PAICS: variants seen among roughly 807,000 people sequenced by gnomAD.
The protein encoded by PAICS is bifunctional phosphoribosylaminoimidazole carboxylase/phosphoribosylaminoimidazole succinocarboxamide synthetase.
PAICS carries 33 observed loss-of-function variants against 53.7 expected under a neutral mutation model. The ratio of observed to expected loss-of-function variants is 0.61; its 90% CI spans 0.47 to 0.82. The LOEUF (loss-of-function observed/expected upper bound fraction) is 0.82. Among genes scored for constraint, PAICS ranks in the 40% least tolerant of loss-of-function variants. The probability of loss-of-function intolerance (pLI) is 0.00; values close to 1 mark genes in which losing one functional copy is unlikely to be tolerated. For synonymous variants in PAICS, 141 were observed against 167.2 expected, an observed-to-expected ratio of 0.84 and a Z score of 1.21; for missense variants, 394 against 494.1, an observed-to-expected ratio of 0.80 and a Z score of 1.92.
At chr4:56,439,319 C>T (rs1718214768) in intron 1 of PAICS, among the ~76,000 whole-genome samples, 1 of 152,162 alleles carries the variant, frequency 6.6e-6, no homozygotes, top group Non-Finnish European at 1.5e-5. Context: ...TCACTGCAAC[C>T]TCCGCCTTTC....
chr4:56,441,899 T>A, intron 2 of PAICS, 39 bp downstream of exon 2: 1 of 1,347,032 alleles, frequency 7.4e-7, no homozygotes. Flanking sequence ...TCACCTTCTC[T>A]GGTAAGCATG....
upstream of PAICS, among the ~76,000 whole-genome samples, chr4:56,434,577 G>A (rs540067932): frequency 6.6e-6 from 1 of 152,156 alleles, no homozygotes; most frequent in Non-Finnish European, 1.5e-5. Flanking sequence ...TCAAAATCAA[G>A]TGTATGGATC....
chr4:56,453,829 A>T, intron 8 of PAICS, 68 bp downstream of exon 8: 1 of 1,104,932 alleles, frequency 9.1e-7, no homozygotes, highest in South Asian at 1.6e-5. Flanking sequence ...CAGTAGACAG[A>T]ATAGCATAAT....
At chr4:56,410,674 C>G in the PAICS span, 1 of 986,204 alleles carries the variant, frequency 1.0e-6, no homozygotes. Flanking sequence ...TAGGAGTATA[C>G]AGAGACTGGA....
intron 2 of PAICS, among the ~76,000 whole-genome samples, chr4:56,444,413 A>C (rs1363491929): frequency 6.6e-6 from 1 of 152,162 alleles, no homozygotes; most frequent in Non-Finnish European, 1.5e-5. Flanking sequence ...GTGTAATACT[A>C]GTATATGAAG....
chr4:56,433,378 G>T (rs2110071807), upstream of PAICS, among the ~76,000 whole-genome samples: 1 of 133,740 alleles, frequency 7.5e-6, no homozygotes, highest in East Asian at 2.2e-4. Flanking sequence ...TATGTAACCA[G>T]GAATCAAATG....
chr4:56,437,033 G>A (rs1021655517), intron 1 of PAICS, among the ~76,000 whole-genome samples: 6 of 152,142 alleles, frequency 3.9e-5, no homozygotes, highest in African/African-American at 1.4e-4. Flanking sequence ...GGGGGCGTGT[G>A]TGTAAGTAGT....
chr4:56,411,217 TAA>T, the PAICS span, among the ~76,000 whole-genome samples: 7 of 152,320 alleles, frequency 4.6e-5, no homozygotes, highest in South Asian at 1.0e-3. Context: ...AAAAATAGTT[TAA>T]GTTTTAATTT....
chr4:56,424,476 C>T, the PAICS span, among the ~76,000 whole-genome samples: 639 of 152,062 alleles, frequency 4.2e-3, 2 homozygotes, highest in Non-Finnish European at 6.3e-3. Context: ...TTGCTAATGC[C>T]GATAGATTAT....
In PAICS at chr4:56,453,661, A is replaced by C; in HGVS notation, c.1011A>C (p.Pro337=). 1 of 1,577,170 alleles carries C rather than the reference A, an allele frequency of 6.3e-7. No homozygotes were observed. The highest frequency in any genetic ancestry group is 8.6e-7 in the Non-Finnish European group (1 of 1,160,182). The change falls in exon 8 of 9, where the codon CCA becomes CCC. Residue 337 remains proline (P), a synonymous_variant. Transcript: ENST00000512576. Reference sequence around the variant, plus strand: ...CAGGCAGAAGTAATGGTTTGGGACCAGTGATGTCTGGGAACACTGCATATC... The same window carrying C: ...CAGGCAGAAGTAATGGTTTGGGACCCGTGATGTCTGGGAACACTGCATATC... The part of the protein sequence containing the change: ...AVAGRSNGLG[P]VMSGNTAYPV...
chr4:56,441,250 A>G lies in PAICS; in HGVS notation c.17-413A>G, dbSNP rs76212030. ...TACTATACTGTGAGTGTGTCTGTGA[A>G]AATACTAGTATAGTTACATTACTTT... is the stretch of plus-strand genomic sequence containing the variant. On this transcript the variant is annotated intron_variant, in intron 1 of 8. Coordinates refer to ENST00000512576, the MANE Select transcript of PAICS (RefSeq NM_001079524.2). Among the ~76,000 whole-genome samples the G allele has an allele frequency of 3.8e-3, 585 of 152,346 alleles. 5 individuals carry two copies. Among genetic ancestry groups the G allele is most frequent in the African/African-American group, 0.013 (537 of 41,584 alleles).
rs773985258 is a variant in PAICS, at chr4:56,441,677, A to G, written c.31A>G (p.Lys11Glu). The G allele has an allele frequency of 6.4e-7, 1 of 1,571,594 alleles. No individual in the cohort carries two copies. The highest frequency in any genetic ancestry group is 8.6e-7 in the Non-Finnish European group (1 of 1,159,960). ...TATTTCCACAGTACTGAACATTGGT[A>G]AAAAATTATATGAGGGTAAAACAAA... is the stretch of plus-strand genomic sequence containing the variant. The part of the protein sequence containing the change: MATAEVLNIG[K>E]KLYEGKTKEV... The change falls in exon 2 of 9, where the codon AAA becomes GAA. Residue 11 changes from lysine (K) to glutamate (E), a missense_variant. Lys to Glu is a moderately conservative substitution (Grantham distance 56). This residue lies in a region of PAICS where 168 missense variants were observed against 199.3 expected (regional missense o/e 0.84). Coordinates refer to ENST00000512576, the MANE Select transcript of PAICS (RefSeq NM_001079524.2).
intron 8 of PAICS, among the ~76,000 whole-genome samples, chr4:56,454,657 T>C (rs928136112): frequency 6.6e-6 from 1 of 152,204 alleles, no homozygotes; most frequent in African/African-American, 2.4e-5. Context: ...AATAGAATTT[T>C]CTATATTTTG....
At chr4:56,451,519 T>C (rs1718916343) in intron 6 of PAICS, among the ~76,000 whole-genome samples, 1 of 152,216 alleles carries the variant, frequency 6.6e-6, no homozygotes, top group Non-Finnish European at 1.5e-5. Context: ...GACTTCTGAT[T>C]TGGCTAATCA....
At chr4:56,435,233 T>A, upstream of PAICS, 1 of 1,464,692 alleles carries the variant, frequency 6.8e-7, no homozygotes. Flanking sequence ...AGGTACTGGC[T>A]TAGGTCGGAG....
At chr4:56,457,602 G>T (rs1273677116) in intron 8 of PAICS, among the ~76,000 whole-genome samples, 1 of 151,558 alleles carries the variant, frequency 6.6e-6, no homozygotes, top group African/African-American at 2.4e-5. Context: ...CCCTTTGGGG[G>T]AGTTCTGTAA....
intron 2 of PAICS, among the ~76,000 whole-genome samples, chr4:56,444,103 A>T (rs908477473): frequency 6.6e-6 from 1 of 152,100 alleles, no homozygotes; most frequent in African/African-American, 2.4e-5. Context: ...TGGTCTATTT[A>T]AAACTGTTTT....
chr4:56,422,928 G>A, the PAICS span: 1 of 150,146 alleles, frequency 6.7e-6, no homozygotes, highest in East Asian at 2.0e-4. Context: ...AGAAACTCTG[G>A]TGTTGGGGCC....
chr4:56,411,168 A>G, the PAICS span, among the ~76,000 whole-genome samples: 1 of 152,340 alleles, frequency 6.6e-6, no homozygotes, highest in Non-Finnish European at 1.5e-5. Context: ...GCTAGTGCCA[A>G]CTGCATGTGA....
Sources: allele counts gnomAD v4.1 joint callset (sites outside exome capture counted in the v4.1 genomes callset), GRCh38; gene constraint gnomAD v4.1.1; regional missense constraint gnomAD v4.1.1; transcripts MANE v1.5; gene names NCBI Gene and HGNC (gene_info 2026-07-23, HGNC 2026-07-21).